Variants in EYA1 observed in about 807,000 individuals in gnomAD.
EYA1 encodes the protein EYA transcriptional coactivator and phosphatase 1.
A neutral mutation model predicts 82.0 loss-of-function variants in EYA1; 16 were observed. That is an observed-to-expected ratio of 0.20 (90% confidence interval 0.13 to 0.30). The LOEUF (loss-of-function observed/expected upper bound fraction) is 0.30, where lower values mean the gene tolerates loss of function less well. Among genes scored for constraint, EYA1 ranks in the 10% least tolerant of loss-of-function variants. EYA1 has a pLI of 1.00. For synonymous variants in EYA1, 261 were observed against 264.4 expected (o/e 0.99, Z 0.12); for missense variants, 633 against 730.7 (o/e 0.87, Z 1.54).
chr8:71,386,126 A>C (rs1828954044), intron 2 of EYA1, among the ~76,000 whole-genome samples: 1 of 152,226 alleles, frequency 6.6e-6, no homozygotes. Context: ...AGGTTAAATT[A>C]TTCAGTCATA....
intron 9 of EYA1, among the ~76,000 whole-genome samples, chr8:71,287,682 C>T (rs1818539293): frequency 6.6e-6 from 1 of 152,156 alleles, no homozygotes; most frequent in African/African-American, 2.4e-5. Flanking sequence ...AACCACAATC[C>T]ACAATGTACA....
intron 1 of EYA1, among the ~76,000 whole-genome samples, chr8:71,546,511 AT>A (rs35757925): frequency 0.012 from 1,601 of 138,458 alleles, 20 homozygotes; most frequent in African/African-American, 0.032. Context: ...ACTGATTCTT[AT>A]TTTTTTTTTT....
intron 2 of EYA1, among the ~76,000 whole-genome samples, chr8:71,491,138 G>T (rs1313295325): frequency 6.6e-6 from 1 of 152,206 alleles, no homozygotes; most frequent in Non-Finnish European, 1.5e-5. Context: ...TAGCTGAGGG[G>T]CATCTGCAAG....
intron 12 of EYA1, among the ~76,000 whole-genome samples, chr8:71,221,087 G>C (rs1214506964): frequency 1.3e-5 from 2 of 152,230 alleles, no homozygotes; most frequent in Non-Finnish European, 2.9e-5. Context: ...TAGCCAGAGA[G>C]AGTTGCAAAG....
At chr8:71,246,544 C>T (rs923940975) in intron 11 of EYA1, among the ~76,000 whole-genome samples, 4 of 152,190 alleles carry the variant, frequency 2.6e-5, no homozygotes, top group African/African-American at 9.7e-5. Context: ...TTAACATCTG[C>T]CATGCCTGTT....
At chr8:71,299,362 A>G in intron 8 of EYA1, 129 bp from the exon 9 acceptor site, 2 of 878,950 alleles carry the variant, frequency 2.3e-6, no homozygotes, top group Non-Finnish European at 3.8e-6. Flanking sequence ...GCATACAAGT[A>G]CACATTAACT....
chr8:71,457,164 T>C (rs1470550589), intron 2 of EYA1, among the ~76,000 whole-genome samples: 1 of 152,212 alleles, frequency 6.6e-6, no homozygotes, highest in East Asian at 1.9e-4. Flanking sequence ...GAAAAAATGC[T>C]CATCATCATT....
chr8:71,347,004 G>C (rs190565247), intron 3 of EYA1, among the ~76,000 whole-genome samples: 58 of 152,284 alleles, frequency 3.8e-4, no homozygotes, highest in Non-Finnish European at 7.5e-4. Context: ...GAGAAACTTA[G>C]AAACTCTTCT....
chr8:71,260,809 T>C (rs1456487706), intron 11 of EYA1, among the ~76,000 whole-genome samples: 1 of 152,216 alleles, frequency 6.6e-6, no homozygotes, highest in East Asian at 1.9e-4. Context: ...ATGAGATTTA[T>C]TCGTCCATGT....
Position 71,406,522 on chromosome 8 carries a change from G to C in EYA1, c.34-50011C>G, listed in dbSNP as rs59763034. 4.6e-5 allele frequency among the ~76,000 whole-genome samples: 7 copies of C among 152,320 alleles called. No individual in the cohort carries two copies. The East Asian group carries it at 5.8e-4, about 13-fold the overall frequency. On this transcript the variant is annotated intron_variant, in intron 2 of 18. Coordinates refer to the EYA1 transcript ENST00000643681. ...GCGCAGGCCAGTGGGTGTGTGCACCGTGTGCGAGCCGAAGCAGGGTGAGGC... is the reference window on the plus strand; with the variant it reads ...GCGCAGGCCAGTGGGTGTGTGCACCCTGTGCGAGCCGAAGCAGGGTGAGGC...
chr8:71,267,661 G>A (rs1816011992), intron 11 of EYA1, among the ~76,000 whole-genome samples: 1 of 152,136 alleles, frequency 6.6e-6, no homozygotes, highest in Admixed American at 6.5e-5. Context: ...CCGTTCTCCT[G>A]CCTCAGCTTC....
chr8:71,533,596 A>G (rs1421430367), intron 2 of EYA1, among the ~76,000 whole-genome samples: 1 of 152,076 alleles, frequency 6.6e-6, no homozygotes, highest in African/African-American at 2.4e-5. Flanking sequence ...TAAATTCTTT[A>G]TATTCTTGAG....
chr8:71,453,909 C>T (rs1749443559), intron 2 of EYA1, among the ~76,000 whole-genome samples: 2 of 152,256 alleles, frequency 1.3e-5, no homozygotes, highest in South Asian at 2.1e-4. Flanking sequence ...GGATCAAGTT[C>T]ACACATAACA....
At chr8:71,499,989 G>T (rs1449627677) in intron 2 of EYA1, among the ~76,000 whole-genome samples, 2 of 152,192 alleles carry the variant, frequency 1.3e-5, no homozygotes, top group African/African-American at 4.8e-5. Flanking sequence ...TTAAAATGAG[G>T]AATGATGGGG....
chr8:71,225,816 A>G (rs1483074344), intron 12 of EYA1, among the ~76,000 whole-genome samples: 1 of 152,218 alleles, frequency 6.6e-6, no homozygotes, highest in African/African-American at 2.4e-5. Context: ...GGCATTTACA[A>G]ACAAAAACAG....
intron 2 of EYA1, among the ~76,000 whole-genome samples, chr8:71,421,641 C>T (rs773296373): frequency 9.2e-5 from 14 of 152,042 alleles, no homozygotes; most frequent in Non-Finnish European, 1.5e-4. Flanking sequence ...ATGATGCAGC[C>T]CTTTGAACAG....
At chr8:71,403,963 T>C (rs911775461) in intron 2 of EYA1, 1 of 152,224 alleles carries the variant, frequency 6.6e-6, no homozygotes, top group Non-Finnish European at 1.5e-5. Context: ...TACATACTTG[T>C]TTTTCGTGAC....
intron 2 of EYA1, among the ~76,000 whole-genome samples, chr8:71,486,138 G>A (rs1158922748): frequency 3.9e-5 from 6 of 152,174 alleles, no homozygotes; most frequent in African/African-American, 1.4e-4. Flanking sequence ...ACTAGGCATA[G>A]CACTATCAGA....
intron 2 of EYA1, among the ~76,000 whole-genome samples, chr8:71,397,789 G>GT (rs1164929244): frequency 2.6e-5 from 4 of 151,972 alleles, no homozygotes; most frequent in Non-Finnish European, 5.9e-5. Flanking sequence ...TTCTCGAGGA[G>GT]TATCTCTGTG....
Sources: gnomAD v4.1 joint callset for allele counts (sites outside exome capture counted in the v4.1 genomes callset) on GRCh38, gnomAD v4.1.1 for gene constraint, MANE v1.5 for transcripts, NCBI Gene and HGNC (gene_info 2026-07-23, HGNC 2026-07-21) for gene names.